The following ATRX variants were observed in gnomAD, a reference collection of about 807,000 sequenced individuals.
The protein encoded by ATRX is ATRX chromatin remodeler, also known as chromatin remodeler ATRX.
A neutral mutation model predicts 172.6 loss-of-function variants in ATRX; 12 were observed. The ratio of observed to expected loss-of-function variants is 0.07; its 90% CI spans 0.04 to 0.11. The LOEUF is 0.11. ATRX is among the 10% of genes least tolerant of loss of function. The pLI is 1.00. For missense variants in ATRX, 1,368 were observed against 1,767.4 expected (o/e 0.77, Z 4.05); for synonymous variants, 674 against 594.7 (o/e 1.13, Z -1.94).
chrX:77,726,497 T>C lies in ATRX; in HGVS notation c.21-9254A>G, dbSNP rs781920556. On this transcript the variant is annotated intron_variant, in intron 1 of 34. Coordinates refer to ENST00000373344, the MANE Select transcript of ATRX (RefSeq NM_000489.6). ...ATGGGGTGGGGGGAGGGGGGAGGGATAGCATTAGTAGATATACCTAATGTA... is the reference window on the plus strand; with the variant it reads ...ATGGGGTGGGGGGAGGGGGGAGGGACAGCATTAGTAGATATACCTAATGTA... Among the ~76,000 whole-genome samples the C allele has an allele frequency of 7.0e-5, 7 of 100,077 alleles. No individual in the cohort carries two copies. In the South Asian group the frequency reaches 4.1e-3, roughly 59 times the overall value. The allele number at this position is 100,077 out of a possible 115,157, so 86.9% of individuals were successfully genotyped here. A position where few individuals can be genotyped will look rare whatever the true frequency, so the allele number is the denominator to read the frequency against.
At chrX:77,665,027 C>CAT (rs1463245147) in intron 10 of ATRX, among the ~76,000 whole-genome samples, 1 of 112,144 alleles carries the variant, frequency 8.9e-6, no homozygotes, top group African/African-American at 3.2e-5. Flanking sequence ...CTCTGAAGGA[C>CAT]ATATTCTATT....
intron 30 of ATRX, among the ~76,000 whole-genome samples, chrX:77,535,892 T>A (rs1473576515): frequency 9.4e-6 from 1 of 106,584 alleles, no homozygotes; most frequent in Non-Finnish European, 1.9e-5. Context: ...CTGGCTAATT[T>A]TTTTGTGTTT....
At position 77,544,784 on chromosome X, in the gene ATRX, A is replaced by G. The variant is rs5912557; in HGVS notation, c.6699+12667T>C. ...ATGGCTGCATAGTATTCCATGGTGT[A>G]TATGTGCCACATTTTCTTAATCCAG... On this transcript the variant is annotated intron_variant, in intron 30 of 34. Transcript: ENST00000373344. Among the ~76,000 whole-genome samples, 467 of 111,012 alleles carry G rather than the reference A, an allele frequency of 4.2e-3. 4 individuals carry two copies. The highest frequency in any genetic ancestry group is 7.0e-3 in the Non-Finnish European group (370 of 53,013).
intron 1 of ATRX, among the ~76,000 whole-genome samples, chrX:77,731,300 G>A (rs1254160485): frequency 1.8e-5 from 2 of 111,612 alleles, no homozygotes; most frequent in South Asian, 3.7e-4. Flanking sequence ...TCTGCAACCT[G>A]AACACAGCTA....
At chrX:77,693,340 A>G (rs1557148079) in intron 6 of ATRX, among the ~76,000 whole-genome samples, 4 of 112,090 alleles carry the variant, frequency 3.6e-5, no homozygotes, top group Non-Finnish European at 7.5e-5. Flanking sequence ...GTACACAAGA[A>G]CAAACTGGAG....
At chrX:77,584,738 T>C (rs782496732) in intron 27 of ATRX, among the ~76,000 whole-genome samples, 49 of 111,365 alleles carry the variant, frequency 4.4e-4, no homozygotes, top group East Asian at 8.4e-4. Flanking sequence ...CTCCAGGACA[T>C]TGGACTAGGC....
rs1557139109 is a variant in ATRX, at chrX:77,682,579, C to G, written c.2677G>C (p.Gly893Arg). Residue 893 changes from glycine (G) to arginine (R), a missense_variant, in exon 9 of 35, where the codon GGC becomes CGC. Physicochemically the swap from Gly to Arg is moderately radical, Grantham distance 125. This residue lies in a region of ATRX where 843 missense variants were observed against 643.1 expected (regional missense o/e 1.31). Coordinates refer to ENST00000373344, the MANE Select transcript of ATRX (RefSeq NM_000489.6). The stretch of plus-strand genomic sequence containing the variant: ...ATGGTCGTGTCTTTATCAACTGTGC[C>G]TTCTGCTGAAGAGAAAGTCTCTCTC... Reference protein sequence around the residue: ...QERETFSSAEGTVDKDTTIME... With the variant: ...QERETFSSAERTVDKDTTIME... 8.3e-7 allele frequency: 1 copy of G among 1,210,810 alleles called. No homozygotes were observed. Among genetic ancestry groups the G allele is most frequent in the Non-Finnish European group, 1.1e-6 (1 of 895,142 alleles).
rs1296096495 is a variant in ATRX, at chrX:77,646,077, G to A, written c.4557+6037C>T. On this transcript the variant is annotated intron_variant, in intron 15 of 34. Transcript: ENST00000373344. ...ACAAAATAATGAACAAAATGAAAAA[G>A]GAAAACACAAAATGGCAGAAGTAAA... Among the ~76,000 whole-genome samples, 6 of 111,528 alleles carry A rather than the reference G, an allele frequency of 5.4e-5. No individual in the cohort carries two copies. In the Admixed American group the frequency reaches 5.7e-4, roughly 11 times the overall value.
intron 1 of ATRX, among the ~76,000 whole-genome samples, chrX:77,758,673 A>C (rs2075603915): frequency 9.1e-6 from 1 of 109,695 alleles, no homozygotes; most frequent in African/African-American, 3.3e-5. Flanking sequence ...CAGGAGCATC[A>C]CTTGAACCCA....
Position 77,716,546 on chromosome X carries a change from C to T in ATRX, c.133+585G>A, listed in dbSNP as rs1052756580. Among the ~76,000 whole-genome samples the T allele has an allele frequency of 6.5e-5, 7 of 107,740 alleles. No homozygotes were observed. The South Asian group carries it at 2.9e-3, about 44-fold the overall frequency. 93.6% of individuals were successfully genotyped at this position (107,740 alleles called of 115,157 possible). A position where few individuals can be genotyped will look rare whatever the true frequency, so the allele number is the denominator to read the frequency against. Reference sequence around the variant, plus strand: ...AGGGCAGATCACTTGAGTTCCAGACCAGCTTGGCCAACAGGGTGAAACCCA... The same window carrying T: ...AGGGCAGATCACTTGAGTTCCAGACTAGCTTGGCCAACAGGGTGAAACCCA... On this transcript the variant is annotated intron_variant, in intron 2 of 34. Coordinates refer to ENST00000373344, the MANE Select transcript of ATRX (RefSeq NM_000489.6).
chrX:77,674,713 G>A (rs914614367), intron 10 of ATRX: 25 of 110,791 alleles, frequency 2.3e-4, no homozygotes, highest in Non-Finnish European at 4.6e-4. Flanking sequence ...TAACATCTGA[G>A]GCCTCATGAT....
At chrX:77,594,682 G>A (rs781827869) in intron 25 of ATRX, 1 of 111,829 alleles carries the variant, frequency 8.9e-6, no homozygotes, top group Non-Finnish European at 1.9e-5. Flanking sequence ...TGAAGCTGAA[G>A]CCTAATATAT....
intron 15 of ATRX, among the ~76,000 whole-genome samples, chrX:77,642,287 A>G (rs1489067276): frequency 8.9e-6 from 1 of 111,919 alleles, no homozygotes; most frequent in Non-Finnish European, 1.9e-5. Flanking sequence ...GAAAATAAAA[A>G]TCTTCAATTT....
At chrX:77,745,384 C>T (rs1201520027) in intron 1 of ATRX, among the ~76,000 whole-genome samples, 2 of 110,850 alleles carry the variant, frequency 1.8e-5, no homozygotes, top group African/African-American at 6.6e-5. Flanking sequence ...GTTACACATA[C>T]ACAATGGAGT....
intron 28 of ATRX, among the ~76,000 whole-genome samples, chrX:77,573,040 T>C (rs1212373895): frequency 8.9e-6 from 1 of 112,144 alleles, no homozygotes; most frequent in Admixed American, 9.5e-5. Context: ...ATCCTTTTCT[T>C]AAATGCCATG....
chrX:77,518,947 T>C (rs2063139385), intron 34 of ATRX, among the ~76,000 whole-genome samples: 1 of 111,861 alleles, frequency 8.9e-6, no homozygotes, highest in Admixed American at 9.5e-5. Context: ...TGGATATCCA[T>C]ACGCAGAACA....
intron 3 of ATRX, among the ~76,000 whole-genome samples, chrX:77,698,041 A>G (rs1378457801): frequency 9.0e-6 from 1 of 111,571 alleles, no homozygotes. Flanking sequence ...TTCTTCTCTA[A>G]GCTAACATAT....
intron 11 of ATRX, 99 bp downstream of exon 11, chrX:77,664,546 G>A (rs1440924298): frequency 3.3e-5 from 37 of 1,111,399 alleles, no homozygotes; most frequent in Middle Eastern, 3.1e-4. Context: ...CCACCACGCC[G>A]GGCCATATTA....
chrX:77,682,080 T>C lies in ATRX; in HGVS notation c.3176A>G (p.Glu1059Gly), dbSNP rs2071237811. The C allele has an allele frequency of 1.7e-6, 2 of 1,210,195 alleles. No individual in the cohort carries two copies. Among genetic ancestry groups the C allele is most frequent in the Non-Finnish European group, 2.2e-6 (2 of 894,202 alleles). ...IRDKTSKKKD[E>G]LSDYAEKSTG... is the part of the protein sequence containing the mutation. ...TGACTTCTCAGCATAATCAGATAAT[T>C]CATCCTTCTTTTTAGAAGTTTTATC... Residue 1059 changes from glutamate (E) to glycine (G), a missense_variant, in exon 9 of 35, where the codon GAA (glutamate) becomes GGA (glycine). This residue lies in a region of ATRX where 843 missense variants were observed against 643.1 expected (regional missense o/e 1.31). Transcript: ENST00000373344.
Sources: allele counts gnomAD v4.1 joint callset (sites outside exome capture counted in the v4.1 genomes callset), GRCh38; gene constraint gnomAD v4.1.1; regional missense constraint gnomAD v4.1.1; transcripts MANE v1.5; gene names NCBI Gene and HGNC (gene_info 2026-07-23, HGNC 2026-07-21).